Variants in MYO1D observed in about 807,000 individuals in gnomAD.
MYO1D encodes the protein myosin ID.
MYO1D carries 83 observed loss-of-function variants against 122.0 expected under a neutral mutation model. The observed-to-expected ratio is 0.68, with a 90% CI of 0.57 to 0.82. The LOEUF is 0.82. Among genes scored for constraint, MYO1D ranks in the 40% least tolerant of loss-of-function variants. MYO1D has a pLI of 0.00. For synonymous variants in MYO1D, 464 were observed against 446.9 expected, an observed-to-expected ratio of 1.04 and a Z score of -0.48; for missense variants, 1,157 against 1,269.5, an observed-to-expected ratio of 0.91 and a Z score of 1.35.
chr17:32,635,232 G>A lies in MYO1D; in HGVS notation c.2709+3490C>T, dbSNP rs541547860. Among the ~76,000 whole-genome samples the A allele has an allele frequency of 1.4e-4, 22 of 152,288 alleles. 1 individual carries two copies. In the Middle Eastern group the frequency reaches 0.017, roughly 118 times the overall value. On this transcript the variant is annotated intron_variant, in intron 20 of 21. Transcript: ENST00000318217. ...AGAAAGAAGTAACTGTGAGTAAGAA[G>A]ATAGACAAAGAGAAAAAGAGAAAGA...
chr17:32,850,822 C>G (rs941673650), intron 1 of MYO1D, among the ~76,000 whole-genome samples: 4 of 152,132 alleles, frequency 2.6e-5, no homozygotes, highest in African/African-American at 9.7e-5. Flanking sequence ...TGGGCTTGAT[C>G]ACCAACTTAC....
chr17:32,862,014 T>C (rs1196093810), intron 1 of MYO1D, among the ~76,000 whole-genome samples: 2 of 152,130 alleles, frequency 1.3e-5, no homozygotes, highest in Non-Finnish European at 2.9e-5. Context: ...CCAGACCTTG[T>C]CTCAATAAAT....
intron 21 of MYO1D, among the ~76,000 whole-genome samples, chr17:32,519,591 G>A (rs993013862): frequency 5.3e-5 from 8 of 151,894 alleles, no homozygotes; most frequent in Non-Finnish European, 8.8e-5. Context: ...CAGCGCACAC[G>A]CCCTCCTTGC....
At position 32,550,974 on chromosome 17, in the gene MYO1D, G is replaced by A. The variant is rs9303653; in HGVS notation, c.2864+54113C>T. Among the ~76,000 whole-genome samples, 130 of 122,842 alleles carry A rather than the reference G, an allele frequency of 1.1e-3. 1 individual carries two copies. The Middle Eastern group carries it at 0.017, about 16-fold the overall frequency. 80.6% of individuals were successfully genotyped at this position (122,842 alleles called of 152,430 possible). On this transcript the variant is annotated intron_variant, in intron 21 of 21. Transcript: ENST00000318217. ...CTAGGCAACAGAGTGTCAAAAAAAA[G>A]AGAAAGAAATGATAATAGTGAAATA...
At chr17:32,565,732 G>GTT (rs199779989) in intron 21 of MYO1D, among the ~76,000 whole-genome samples, 8 of 150,826 alleles carry the variant, frequency 5.3e-5, no homozygotes, top group South Asian at 2.1e-4. Context: ...GAGTGTGTGT[G>GTT]TTTTTTTTTT....
chr17:32,503,749 T>C (rs1348255015), intron 21 of MYO1D, among the ~76,000 whole-genome samples: 5 of 152,252 alleles, frequency 3.3e-5, no homozygotes, highest in South Asian at 2.1e-4. Flanking sequence ...ACATAATGCA[T>C]GCTCTCTGGC....
intron 21 of MYO1D, among the ~76,000 whole-genome samples, chr17:32,537,459 GAAAAA>G (rs1161964745): frequency 1.3e-5 from 2 of 152,166 alleles, no homozygotes; most frequent in Non-Finnish European, 2.9e-5. Flanking sequence ...GCTCTTTACA[GAAAAA>G]AGTTTGCTGA....
intron 16 of MYO1D, among the ~76,000 whole-genome samples, chr17:32,661,291 C>G (rs2088561214): frequency 6.6e-6 from 1 of 152,144 alleles, no homozygotes; most frequent in African/African-American, 2.4e-5. Flanking sequence ...TCTAAACCCA[C>G]CTCCCTACCT....
intron 2 of MYO1D, 117 bp from the exon 3 acceptor site, chr17:32,778,690 G>A: frequency 8.5e-6 from 8 of 943,066 alleles, no homozygotes; most frequent in Non-Finnish European, 1.3e-5. Context: ...CCCACATGTT[G>A]CACTGTTTCA....
intron 21 of MYO1D, among the ~76,000 whole-genome samples, chr17:32,570,534 A>T (rs1246729211): frequency 6.6e-6 from 1 of 151,948 alleles, no homozygotes; most frequent in Non-Finnish European, 1.5e-5. Context: ...TTGTATTTTT[A>T]GTAGAGACGG....
intron 13 of MYO1D, among the ~76,000 whole-genome samples, chr17:32,742,800 T>C (rs2089787635): frequency 6.6e-6 from 1 of 152,230 alleles, no homozygotes; most frequent in African/African-American, 2.4e-5. Context: ...TCAACATCCA[T>C]ACAGATGAAT....
chr17:32,860,076 CACAAGCAGAGAGCTCA>C (rs953684373), intron 1 of MYO1D, among the ~76,000 whole-genome samples: 4 of 152,092 alleles, frequency 2.6e-5, no homozygotes, highest in African/African-American at 9.7e-5. Flanking sequence ...AGGAGCACAA[CACAAGCAGAGAGCTCA>C]CTCTCCTTCC....
At chr17:32,861,676 C>G (rs766609522) in intron 1 of MYO1D, among the ~76,000 whole-genome samples, 1 of 152,150 alleles carries the variant, frequency 6.6e-6, no homozygotes, top group Non-Finnish European at 1.5e-5. Context: ...TGCCCAAAGA[C>G]TCTAGCCTCA....
At chr17:32,803,448 G>A (rs983380329) in intron 1 of MYO1D, among the ~76,000 whole-genome samples, 3 of 152,018 alleles carry the variant, frequency 2.0e-5, no homozygotes, top group Non-Finnish European at 2.9e-5. Context: ...GCCGGGCCCA[G>A]AACTTCCAAT....
chr17:32,859,370 A>G (rs1338405089), intron 1 of MYO1D, among the ~76,000 whole-genome samples: 1 of 152,270 alleles, frequency 6.6e-6, no homozygotes, highest in Non-Finnish European at 1.5e-5. Flanking sequence ...CACCAAGACC[A>G]TGCCAGCACG....
chr17:32,789,623 G>A (rs898719637), intron 1 of MYO1D, among the ~76,000 whole-genome samples: 1 of 152,172 alleles, frequency 6.6e-6, no homozygotes, highest in African/African-American at 2.4e-5. Context: ...TGGAAATAGG[G>A]TTTTTGCAGG....
intron 15 of MYO1D, among the ~76,000 whole-genome samples, chr17:32,714,589 T>C (rs143377718): frequency 0.015 from 2,219 of 152,276 alleles, 44 homozygotes; most frequent in African/African-American, 0.048. Context: ...CCCTATTTAA[T>C]AAATGATGCT....
chr17:32,653,572 G>A (rs1896166745), intron 19 of MYO1D, among the ~76,000 whole-genome samples: 2 of 139,540 alleles, frequency 1.4e-5, no homozygotes, highest in East Asian at 2.1e-4. Context: ...CGCCACTGCT[G>A]TCCAGCCTGG....
intron 14 of MYO1D, among the ~76,000 whole-genome samples, chr17:32,730,874 T>TTTGACCAC (rs2089629713): frequency 6.6e-6 from 1 of 152,006 alleles, no homozygotes; most frequent in African/African-American, 2.4e-5. Flanking sequence ...AAGATACATG[T>TTTGACCAC]TTGACCACTT....
Sources: allele counts gnomAD v4.1 joint callset (sites outside exome capture counted in the v4.1 genomes callset), GRCh38; gene constraint gnomAD v4.1.1; transcripts MANE v1.5; gene names NCBI Gene and HGNC (gene_info 2026-07-23, HGNC 2026-07-21).